The following PTK2B variants were observed in gnomAD, a reference collection of about 807,000 sequenced individuals.
PTK2B encodes protein tyrosine kinase 2 beta, also known as protein-tyrosine kinase 2-beta.
In PTK2B, 71 loss-of-function variants were observed where a neutral mutation model predicts 142.9. The ratio of observed to expected loss-of-function variants is 0.50; its 90% confidence interval spans 0.41 to 0.61. The LOEUF (loss-of-function observed/expected upper bound fraction) is 0.61, where lower values mean the gene tolerates loss of function less well. Among genes scored for constraint, PTK2B ranks in the 20% least tolerant of loss-of-function variants. The probability of loss-of-function intolerance (pLI) is 0.00; values close to 1 mark genes in which losing one functional copy is unlikely to be tolerated. For missense variants in PTK2B, 1,105 were observed against 1,320.4 expected (o/e 0.84, Z 2.53); for synonymous variants, 519 against 503.4 (o/e 1.03, Z -0.42).
intron 1 of PTK2B, among the ~76,000 whole-genome samples, chr8:27,364,627 A>C (rs1805910762): frequency 6.6e-6 from 1 of 152,208 alleles, no homozygotes; most frequent in Non-Finnish European, 1.5e-5. Flanking sequence ...GCTACAGTTA[A>C]GCAAGCATTA....
chr8:27,355,151 T>A (rs978523094), intron 1 of PTK2B, among the ~76,000 whole-genome samples: 1 of 152,234 alleles, frequency 6.6e-6, no homozygotes, highest in East Asian at 1.9e-4. Flanking sequence ...CTACCTTACA[T>A]GCCAAAGAGA....
chr8:27,395,649 G>T (rs1328068622), intron 1 of PTK2B, among the ~76,000 whole-genome samples: 1 of 152,174 alleles, frequency 6.6e-6, no homozygotes, highest in African/African-American at 2.4e-5. Context: ...CTGGAACAAT[G>T]ACTGTAAGAG....
chr8:27,344,862 G>GA (rs1191970574), intron 1 of PTK2B, among the ~76,000 whole-genome samples: 2 of 152,204 alleles, frequency 1.3e-5, no homozygotes, highest in African/African-American at 4.8e-5. Context: ...AGGAAGGAAG[G>GA]AGGGAGGAAG....
intron 1 of PTK2B, among the ~76,000 whole-genome samples, chr8:27,336,553 T>C (rs961373328): frequency 1.3e-5 from 2 of 152,226 alleles, no homozygotes; most frequent in Non-Finnish European, 2.9e-5. Flanking sequence ...ATTAAAAAGC[T>C]TATTTTCATA....
Position 27,430,870 on chromosome 8 carries a change from C to G in PTK2B, c.670-6C>G. On this transcript the variant is annotated splice_region_variant and splice_polypyrimidine_tract_variant and intron_variant, in intron 7 of 30. Coordinates refer to ENST00000346049, the MANE Select transcript of PTK2B (RefSeq NM_173176.3). ...CATTGCTCACACGGCCCATCCCCTCCCCCAGCCCAAACAGTTCCGGAAGAT... is the reference window on the plus strand; with the variant it reads ...CATTGCTCACACGGCCCATCCCCTCGCCCAGCCCAAACAGTTCCGGAAGAT... 3 of 1,613,338 alleles carry G rather than the reference C, an allele frequency of 1.9e-6. No individual in the cohort carries two copies. The highest frequency in any genetic ancestry group is 2.5e-6 in the Non-Finnish European group (3 of 1,179,564).
At chr8:27,389,708 C>A (rs1390713589) in intron 1 of PTK2B, among the ~76,000 whole-genome samples, 1 of 152,204 alleles carries the variant, frequency 6.6e-6, no homozygotes, top group Non-Finnish European at 1.5e-5. Flanking sequence ...ATAATCACAA[C>A]CTTTCTGGTT....
rs149243878 is a variant in PTK2B at position 27,315,490 on chromosome 8, C to T, written c.-414+2203C>T. On this transcript the variant is annotated intron_variant, in intron 3 of 35. Coordinates refer to the PTK2B transcript ENST00000397501. Reference sequence around the variant, plus strand: ...CTCCAGATAGCCCTCTCCCCTCCCCCCAACGCAGAGACTCTTACGTCGTCT... The same window carrying T: ...CTCCAGATAGCCCTCTCCCCTCCCCTCAACGCAGAGACTCTTACGTCGTCT... Among the ~76,000 whole-genome samples, 8 of 152,282 alleles carry T rather than the reference C, an allele frequency of 5.3e-5. No homozygotes were observed. In the South Asian group the frequency reaches 1.0e-3, roughly 20 times the overall value.
chr8:27,372,988 T>C (rs1806451988), intron 1 of PTK2B, among the ~76,000 whole-genome samples: 1 of 152,018 alleles, frequency 6.6e-6, no homozygotes, highest in South Asian at 2.1e-4. Flanking sequence ...AGTGGCCACA[T>C]AGAGGTCAAG....
rs748590062 is a variant in PTK2B at position 27,458,511 on chromosome 8, G to T, written c.*2G>T. Reference sequence around the variant, plus strand: ...CTGGCCCACCCACCTGCAGAGTGACGGAGGGTGGGGGCCACCTGCCTGCGT... The same window carrying T: ...CTGGCCCACCCACCTGCAGAGTGACTGAGGGTGGGGGCCACCTGCCTGCGT... On this transcript the variant is annotated 3_prime_UTR_variant, in exon 31 of 31. Coordinates refer to ENST00000346049, the MANE Select transcript of PTK2B (RefSeq NM_173176.3). 1.3e-6 allele frequency: 2 copies of T among 1,560,080 alleles called. No homozygotes were observed. Among genetic ancestry groups the T allele is most frequent in the African/African-American group, 2.7e-5 (2 of 73,470 alleles).
At chr8:27,383,122 C>T (rs567068839) in intron 1 of PTK2B, among the ~76,000 whole-genome samples, 1 of 152,296 alleles carries the variant, frequency 6.6e-6, no homozygotes, top group Non-Finnish European at 1.5e-5. Context: ...ATGGGGGTTG[C>T]ATGGAATTCG....
At chr8:27,398,476 T>C (rs1808195784) in intron 2 of PTK2B, among the ~76,000 whole-genome samples, 1 of 152,232 alleles carries the variant, frequency 6.6e-6, no homozygotes, top group South Asian at 2.1e-4. Flanking sequence ...ATTTCAGTCA[T>C]CTACATTTAT....
chr8:27,439,098 T>G lies in PTK2B; in HGVS notation c.1711T>G (p.Ser571Ala). The change falls in exon 19 of 31, where the codon TCC (serine) becomes GCC (alanine). Residue 571 changes from serine (S) to alanine (A), a missense_variant. By Grantham distance (99) the Ser-to-Ala change is moderately conservative. Coordinates refer to ENST00000346049, the MANE Select transcript of PTK2B (RefSeq NM_173176.3). Reference protein sequence around the residue: ...ECVKLGDFGLSRYIEDEDYYK... With the variant: ...ECVKLGDFGLARYIEDEDYYK... Reference sequence around the variant, plus strand: ...TGTGAAGCTGGGGGACTTTGGTCTTTCCCGGTACATTGAGGACGAGGACTA... The same window carrying G: ...TGTGAAGCTGGGGGACTTTGGTCTTGCCCGGTACATTGAGGACGAGGACTA... 1 of 1,614,020 alleles carries G rather than the reference T, an allele frequency of 6.2e-7. No homozygotes were observed. Among genetic ancestry groups the G allele is most frequent in the South Asian group, 1.1e-5 (1 of 91,084 alleles).
chr8:27,344,117 T>C, intron 1 of PTK2B, among the ~76,000 whole-genome samples: 1 of 152,300 alleles, frequency 6.6e-6, no homozygotes, highest in African/African-American at 2.4e-5. Flanking sequence ...CCTGCCTATA[T>C]TTTACTCTTT....
intron 1 of PTK2B, among the ~76,000 whole-genome samples, chr8:27,344,312 A>T (rs750931465): frequency 6.6e-6 from 1 of 152,210 alleles, no homozygotes; most frequent in African/African-American, 2.4e-5. Context: ...ACACTATATC[A>T]GCAAGGCAGG....
intron 27 of PTK2B, chr8:27,452,819 TG>T (rs1811900224): frequency 1.9e-6 from 1 of 517,240 alleles, no homozygotes. Context: ...TCCTTAGGCC[TG>T]GTGTCCATCA....
chr8:27,380,442 G>GC (rs1485029218), intron 1 of PTK2B, among the ~76,000 whole-genome samples: 1 of 152,150 alleles, frequency 6.6e-6, no homozygotes, highest in African/African-American at 2.4e-5. Context: ...GCTACCACAT[G>GC]CAGGGTTTCC....
At chr8:27,350,922 GC>G (rs1385639805) in intron 1 of PTK2B, among the ~76,000 whole-genome samples, 1 of 133,652 alleles carries the variant, frequency 7.5e-6, no homozygotes, top group East Asian at 2.2e-4. Context: ...GTTGCAGTGA[GC>G]CGAGATCACA....
At chr8:27,314,568 T>C (rs1316790476) in intron 3 of PTK2B, among the ~76,000 whole-genome samples, 1 of 152,232 alleles carries the variant, frequency 6.6e-6, no homozygotes, top group Admixed American at 6.5e-5. Flanking sequence ...GTAAATAACT[T>C]TGTAACTTTA....
intron 1 of PTK2B, among the ~76,000 whole-genome samples, chr8:27,355,402 C>T (rs1211279992): frequency 6.6e-6 from 1 of 152,056 alleles, no homozygotes; most frequent in Non-Finnish European, 1.5e-5. Flanking sequence ...GAAGGAACCG[C>T]GAGCCAAATA....
Sources: gnomAD v4.1 joint callset for allele counts (sites outside exome capture counted in the v4.1 genomes callset) on GRCh38, gnomAD v4.1.1 for gene constraint, MANE v1.5 for transcripts, NCBI Gene and HGNC (gene_info 2026-07-23, HGNC 2026-07-21) for gene names.